The following OTOGL variants were observed in gnomAD, a reference collection of about 807,000 sequenced individuals.
OTOGL encodes otogelin-like protein.
In OTOGL, 285 loss-of-function variants were observed where a neutral mutation model predicts 318.5. That is an observed-to-expected ratio of 0.89 (90% CI 0.81 to 0.99). The LOEUF is 0.99. Ranked by LOEUF, OTOGL falls within the 50% of genes least tolerant of loss-of-function variation. OTOGL has a pLI of 0.00. For synonymous variants in OTOGL, 987 were observed against 936.5 expected (o/e 1.05, Z -0.99); for missense variants, 2,899 against 2,845.6 (o/e 1.02, Z -0.43).
chr12:80,356,098 T>C (rs768924863), intron 47 of OTOGL, 150 bp downstream of exon 47: 2 of 862,758 alleles, frequency 2.3e-6, no homozygotes, highest in Non-Finnish European at 3.6e-6. Flanking sequence ...ATTACAATTC[T>C]GTTGAATACA....
At position 80,285,882 on chromosome 12, in the gene OTOGL, G is replaced by A. The variant is rs559691572; in HGVS notation, c.2928+6716G>A. 2.0e-5 allele frequency among the ~76,000 whole-genome samples: 3 copies of A among 152,014 alleles called. 1 individual carries two copies. The highest frequency in any genetic ancestry group is 7.2e-5 in the African/African-American group (3 of 41,474). On this transcript the variant is annotated intron_variant, in intron 26 of 58. Transcript: ENST00000547103. ...CTTTATTTCTTTCTCTTGCCTAATTGCCCTGGCCAGAACTTCCAACACTAT... is the reference window on the plus strand; with the variant it reads ...CTTTATTTCTTTCTCTTGCCTAATTACCCTGGCCAGAACTTCCAACACTAT...
At chr12:80,170,213 G>A (rs10862075) in intron 1 of OTOGL, among the ~76,000 whole-genome samples, 32,643 of 115,634 alleles carry the variant, frequency 0.28, 3,312 homozygotes, top group East Asian at 0.43. Context: ...GTGTGTGTGT[G>A]TATGTATGTG....
chr12:80,149,715 T>G (rs4391869), intron 1 of OTOGL, among the ~76,000 whole-genome samples: 80,334 of 151,408 alleles, frequency 0.53, 22,256 homozygotes, highest in African/African-American at 0.71. Flanking sequence ...CTAGCAATCA[T>G]CGAGACTCCA....
At chr12:80,154,975 T>C (rs1484868371) in intron 1 of OTOGL, among the ~76,000 whole-genome samples, 1 of 152,266 alleles carries the variant, frequency 6.6e-6, no homozygotes, top group African/African-American at 2.4e-5. Flanking sequence ...TTGACCATTT[T>C]AATAGATATG....
intron 50 of OTOGL, 116 bp downstream of exon 50, chr12:80,358,465 C>T: frequency 1.1e-6 from 1 of 890,148 alleles, no homozygotes; most frequent in East Asian, 2.6e-5. Context: ...ATTTGATGAG[C>T]TATCCTAGCA....
intron 46 of OTOGL, among the ~76,000 whole-genome samples, chr12:80,353,939 C>T (rs1249495633): frequency 6.6e-6 from 1 of 152,084 alleles, no homozygotes. Flanking sequence ...TGACATGGTG[C>T]CTTGAGAAAG....
chr12:80,124,760 TG>T, intron 1 of OTOGL, among the ~76,000 whole-genome samples: 1 of 152,080 alleles, frequency 6.6e-6, no homozygotes, highest in South Asian at 2.1e-4. Context: ...TCACATCCCT[TG>T]TAAGTTGGAT....
At chr12:80,261,777 T>C (rs1264768613) in intron 18 of OTOGL, among the ~76,000 whole-genome samples, 192 bp from the exon 19 acceptor site, 4 of 152,198 alleles carry the variant, frequency 2.6e-5, no homozygotes, top group Admixed American at 1.3e-4. Flanking sequence ...ATGTCTACAA[T>C]TTGGCACATT....
chr12:80,193,366 G>A lies in OTOGL; in HGVS notation c.-19-16047G>A, dbSNP rs183899331. On this transcript the variant is annotated intron_variant, in intron 1 of 58. Transcript: ENST00000547103. ...CCCCATCTGTACTAAAAATACAAAA[G>A]TTAGCTGGGCATGGTGGTGCATGCC... Among the ~76,000 whole-genome samples, 839 of 152,068 alleles carry A rather than the reference G, an allele frequency of 5.5e-3. 10 individuals are homozygous for A. The highest frequency in any genetic ancestry group is 0.019 in the African/African-American group (791 of 41,484).
chr12:80,182,044 G>A (rs1287084025), intron 1 of OTOGL, among the ~76,000 whole-genome samples: 1 of 152,126 alleles, frequency 6.6e-6, no homozygotes, highest in African/African-American at 2.4e-5. Context: ...GCATAGACCT[G>A]TAGTCCCAGC....
chr12:80,107,933 CTG>C (rs2137073745), intron 1 of OTOGL, among the ~76,000 whole-genome samples: 1 of 152,150 alleles, frequency 6.6e-6, no homozygotes, highest in South Asian at 2.1e-4. Context: ...ATAACAGACA[CTG>C]GGGCCTATTT....
intron 7 of OTOGL, among the ~76,000 whole-genome samples, chr12:80,227,513 C>G (rs948936868): frequency 6.6e-6 from 1 of 152,082 alleles, no homozygotes; most frequent in Non-Finnish European, 1.5e-5. Flanking sequence ...GCTCTAAAAG[C>G]GAATTGGAAA....
At chr12:80,113,341 G>A (rs957390689) in intron 1 of OTOGL, among the ~76,000 whole-genome samples, 33 of 152,198 alleles carry the variant, frequency 2.2e-4, no homozygotes, top group African/African-American at 7.7e-4. Context: ...TAATTATGAT[G>A]TTAGGGTGTC....
intron 39 of OTOGL, 92 bp downstream of exon 39, chr12:80,336,232 A>G (rs1164815028): frequency 1.2e-5 from 16 of 1,378,458 alleles, no homozygotes; most frequent in Middle Eastern, 1.9e-4. Context: ...TCATCAAGCC[A>G]AAGTTACTGT....
chr12:80,318,554 GA>G lies in OTOGL; in HGVS notation c.3645del (p.Gly1216AspfsTer19). The G allele has an allele frequency of 7.6e-7, 1 of 1,316,522 alleles. No individual in the cohort carries two copies. Among genetic ancestry groups the G allele is most frequent in the South Asian group, 2.4e-5 (1 of 41,252 alleles). The allele number at this position is 1,316,522 out of a possible 1,614,324, so 81.6% of individuals were successfully genotyped here. A position where few individuals can be genotyped will look rare whatever the true frequency, so the allele number is the denominator to read the frequency against. On this transcript the variant is annotated frameshift_variant, in exon 33 of 59. Transcript: ENST00000547103. LOFTEE classifies it high-confidence loss of function. ...DCEYYNEGLG[E>X]GPYMLASYGQ... is the part of the protein sequence containing the mutation. ...TATTTATATTTAACTAGGACTTGGAGAAGGACCATATATGCTGGCAAGCTAT... is the reference window on the plus strand; with the variant it reads ...TATTTATATTTAACTAGGACTTGGAGAGGACCATATATGCTGGCAAGCTAT...
rs368610243 is a variant in OTOGL, at chr12:80,336,465, C to T, written c.4653C>T (p.Asn1551=). Residue 1551 remains asparagine (N), a synonymous_variant, in exon 40 of 59, where the codon AAC becomes AAT. Transcript: ENST00000547103. ...GCATTATTACATTTGATGGAAACAA[C>T]GCAGCATTATATAGCATGGCTTCTT... The part of the protein sequence containing the change: ...ELSIITFDGN[N]AALYSMASYI... The T allele has an allele frequency of 8.0e-5, 129 of 1,608,828 alleles. 1 individual carries two copies. Among genetic ancestry groups the T allele is most frequent in the Non-Finnish European group, 9.1e-5 (107 of 1,176,346 alleles).
rs190087533 is a variant in OTOGL, at chr12:80,143,097, G to A, written c.-20+43492G>A. On this transcript the variant is annotated intron_variant, in intron 1 of 58. Transcript: ENST00000547103. ...GCAAAGGCTGACCTGACCTAATTAG[G>A]TACAAACCTATCATGAATTGACATG... Among the ~76,000 whole-genome samples the A allele has an allele frequency of 3.8e-3, 578 of 152,118 alleles. 3 individuals carry two copies. Among genetic ancestry groups the A allele is most frequent in the Non-Finnish European group, 5.3e-3 (359 of 67,980 alleles).
At position 80,358,735 on chromosome 12, in the gene OTOGL, A is replaced by C. The variant is rs1890063081; in HGVS notation, c.6186A>C (p.Lys2062Asn). The C allele has an allele frequency of 1.2e-6, 2 of 1,612,972 alleles. No individual in the cohort carries two copies. The highest frequency in any genetic ancestry group is 1.7e-6 in the Non-Finnish European group (2 of 1,179,322). ...GTGCAGAAGATATGAATCTTGTGAA[A>C]GAAAATGTATCTGGTCAATGTTGCC... ...LNCAEDMNLV[K>N]ENVSGQCCPT... The change falls in exon 51 of 59, where the codon AAA (lysine) becomes AAC (asparagine). Residue 2062 changes from lysine (K) to asparagine (N), a missense_variant. Lys to Asn is a moderately conservative substitution (Grantham distance 94). This residue lies in a region of OTOGL where 2,607 missense variants were observed against 2,524.9 expected (regional missense o/e 1.03). Transcript: ENST00000547103.
Position 80,251,699 on chromosome 12 carries a change from T to A in OTOGL, c.1059T>A (p.Asp353Glu), listed in dbSNP as rs1387201598. ...ASCVNDLCKT[D>E]DDETYCRAAT... ...CTGTCTTTTCACTTTCTAGAACTGA[T>A]GATGATGAAACCTATTGCCGAGCAG... Residue 353 changes from aspartate to glutamate, a missense_variant, in exon 12 of 59, where the codon GAT becomes GAA. This residue lies in a region of OTOGL where 2,607 missense variants were observed against 2,524.9 expected (regional missense o/e 1.03). Coordinates refer to ENST00000547103, the MANE Select transcript of OTOGL (RefSeq NM_001378609.3). 3 of 1,584,844 alleles carry A rather than the reference T, an allele frequency of 1.9e-6. No individual in the cohort carries two copies. The highest frequency in any genetic ancestry group is 2.3e-5 in the South Asian group (2 of 86,386).
Sources: allele counts gnomAD v4.1 joint callset (sites outside exome capture counted in the v4.1 genomes callset), GRCh38; gene constraint gnomAD v4.1.1; regional missense constraint gnomAD v4.1.1; transcripts MANE v1.5; gene names NCBI Gene and HGNC (gene_info 2026-07-23, HGNC 2026-07-21).